MAGI2: variants seen among roughly 807,000 people sequenced by gnomAD.
MAGI2 encodes membrane associated guanylate kinase, WW and PDZ domain containing 2.
MAGI2 carries 35 observed loss-of-function variants against 133.3 expected under a neutral mutation model. The ratio of observed to expected loss-of-function variants is 0.26; its 90% CI spans 0.20 to 0.35. The LOEUF (loss-of-function observed/expected upper bound fraction) is 0.35. Among genes scored for constraint, MAGI2 ranks in the 10% least tolerant of loss-of-function variants. MAGI2 has a pLI of 1.00. For synonymous variants in MAGI2, 729 were observed against 710.6 expected (o/e 1.03, Z -0.41); for missense variants, 1,636 against 1,863.4 (o/e 0.88, Z 2.25).
At chr7:78,437,071 A>C (rs984464186) in intron 6 of MAGI2, among the ~76,000 whole-genome samples, 3 of 151,286 alleles carry the variant, frequency 2.0e-5, no homozygotes, top group African/African-American at 7.3e-5. Context: ...GGGAGCCTGG[A>C]GGATGCAGGA....
Position 78,262,629 on chromosome 7 carries a change from C to G in MAGI2, c.1409-6048G>C, listed in dbSNP as rs920255546. The stretch of plus-strand genomic sequence containing the variant: ...ATGCCAATAACTAGTGGTATCAACA[C>G]TTCCTAGGTCTTATTCCTCACTTAT... On this transcript the variant is annotated intron_variant, in intron 9 of 21. Coordinates refer to ENST00000354212, the MANE Select transcript of MAGI2 (RefSeq NM_012301.4). Among the ~76,000 whole-genome samples, 5 of 152,138 alleles carry G rather than the reference C, an allele frequency of 3.3e-5. No homozygotes were observed. In the East Asian group the frequency reaches 5.8e-4, roughly 18 times the overall value.
intron 6 of MAGI2, among the ~76,000 whole-genome samples, chr7:78,415,444 G>C (rs574966918): frequency 1.3e-5 from 2 of 152,156 alleles, no homozygotes; most frequent in African/African-American, 2.4e-5. Flanking sequence ...ACTAAATAGA[G>C]AGATTTTAAG....
At chr7:78,381,668 A>G (rs1032695132) in intron 6 of MAGI2, among the ~76,000 whole-genome samples, 6 of 152,210 alleles carry the variant, frequency 3.9e-5, no homozygotes, top group African/African-American at 1.4e-4. Flanking sequence ...GTTCACAAAA[A>G]GTATATGCAA....
intron 1 of MAGI2, among the ~76,000 whole-genome samples, chr7:79,020,484 T>C (rs13237063): frequency 0.59 from 88,852 of 151,442 alleles, 26,339 homozygotes; most frequent in East Asian, 0.63. Context: ...AATGAGGAAC[T>C]GGTCAGGCGC....
At chr7:78,600,645 G>C (rs1406319562) in intron 3 of MAGI2, among the ~76,000 whole-genome samples, 6 of 152,082 alleles carry the variant, frequency 3.9e-5, no homozygotes, top group Admixed American at 3.9e-4. Context: ...CATATAAAAC[G>C]ATAGTACACT....
At chr7:78,377,830 C>CAAA (rs3061266) in intron 6 of MAGI2, among the ~76,000 whole-genome samples, 30,546 of 145,246 alleles carry the variant, frequency 0.21, 3,603 homozygotes, top group East Asian at 0.43. Context: ...TCAAACTAAA[C>CAAA]AAAAAAAAAG....
intron 2 of MAGI2, among the ~76,000 whole-genome samples, chr7:78,990,814 TA>T (rs2116324299): frequency 6.6e-6 from 1 of 152,012 alleles, no homozygotes; most frequent in South Asian, 2.1e-4. Flanking sequence ...AACCTTGAAC[TA>T]AACGTAAGTT....
At chr7:78,553,766 G>A (rs1042426724) in intron 3 of MAGI2, among the ~76,000 whole-genome samples, 5 of 152,212 alleles carry the variant, frequency 3.3e-5, no homozygotes, top group Admixed American at 2.0e-4. Flanking sequence ...CAGTTACCAA[G>A]TGGCAGGGAT....
At chr7:79,225,892 G>C (rs1411428182) in intron 1 of MAGI2, among the ~76,000 whole-genome samples, 1 of 152,114 alleles carries the variant, frequency 6.6e-6, no homozygotes, top group Non-Finnish European at 1.5e-5. Context: ...TTATGATGCA[G>C]AGCTGTTGGG....
At chr7:78,341,254 G>T (rs997420553) in intron 9 of MAGI2, among the ~76,000 whole-genome samples, 4 of 152,070 alleles carry the variant, frequency 2.6e-5, no homozygotes, top group African/African-American at 9.7e-5. Flanking sequence ...AACTTACGAG[G>T]GATGTGAAGG....
At chr7:78,546,274 T>C (rs567485485) in intron 3 of MAGI2, among the ~76,000 whole-genome samples, 1 of 152,326 alleles carries the variant, frequency 6.6e-6, no homozygotes, top group African/African-American at 2.4e-5. Context: ...CTACTACTTC[T>C]AGTACCTCTG....
chr7:78,219,646 G>T (rs1788614566), intron 10 of MAGI2, among the ~76,000 whole-genome samples: 1 of 152,118 alleles, frequency 6.6e-6, no homozygotes, highest in African/African-American at 2.4e-5. Flanking sequence ...ATCCAATAAT[G>T]AATGTAATCT....
intron 2 of MAGI2, among the ~76,000 whole-genome samples, chr7:78,660,186 G>A (rs1210545594): frequency 6.6e-6 from 1 of 151,994 alleles, no homozygotes; most frequent in African/African-American, 2.4e-5. Flanking sequence ...ACGAGTTAAT[G>A]GGTGCAGCAC....
intron 6 of MAGI2, among the ~76,000 whole-genome samples, chr7:78,382,752 C>G (rs772373719): frequency 6.6e-6 from 1 of 151,930 alleles, no homozygotes; most frequent in Non-Finnish European, 1.5e-5. Flanking sequence ...TTTCTTCAGC[C>G]TCCCCTCAAC....
intron 1 of MAGI2, among the ~76,000 whole-genome samples, chr7:79,297,259 T>C (rs996747789): frequency 2.0e-5 from 3 of 152,206 alleles, no homozygotes; most frequent in Non-Finnish European, 2.9e-5. Flanking sequence ...ATTTTTCAAA[T>C]TGATAAACTA....
At chr7:79,369,367 A>G (rs1444359350) in intron 1 of MAGI2, among the ~76,000 whole-genome samples, 1 of 152,158 alleles carries the variant, frequency 6.6e-6, no homozygotes, top group Non-Finnish European at 1.5e-5. Context: ...GAAACCACTC[A>G]ACTTAGTCCT....
intron 2 of MAGI2, among the ~76,000 whole-genome samples, chr7:78,765,824 G>A (rs780675661): frequency 2.0e-5 from 3 of 152,026 alleles, no homozygotes; most frequent in African/African-American, 4.8e-5. Flanking sequence ...CAAAACACCC[G>A]AGAAGTGTAA....
At chr7:78,264,307 C>A (rs937241844) in intron 9 of MAGI2, among the ~76,000 whole-genome samples, 7 of 152,096 alleles carry the variant, frequency 4.6e-5, no homozygotes, top group Admixed American at 6.6e-5. Context: ...GGAAGTGAAT[C>A]CAAGACTTCA....
intron 21 of MAGI2, among the ~76,000 whole-genome samples, chr7:78,033,007 T>C (rs1809752657): frequency 6.6e-6 from 1 of 152,014 alleles, no homozygotes. Flanking sequence ...AGAGAAATGG[T>C]ATTTTAAAAG....
Sources: gnomAD v4.1 joint callset for allele counts (sites outside exome capture counted in the v4.1 genomes callset) on GRCh38, gnomAD v4.1.1 for gene constraint, MANE v1.5 for transcripts, NCBI Gene and HGNC (gene_info 2026-07-23, HGNC 2026-07-21) for gene names.